DIDO1: variants seen among roughly 807,000 people sequenced by gnomAD.
The protein encoded by DIDO1 is death inducer-obliterator 1, also known as death-inducer obliterator 1.
A neutral mutation model predicts 99.4 loss-of-function variants in DIDO1; 16 were observed. That is an observed-to-expected ratio of 0.16 (90% CI 0.11 to 0.24). The LOEUF is 0.24. DIDO1 is among the 10% of genes least tolerant of loss of function. The probability of loss-of-function intolerance (pLI) is 1.00; values close to 1 mark genes in which losing one functional copy is unlikely to be tolerated. For missense variants in DIDO1, 2,996 were observed against 3,014.0 expected (o/e 0.99, Z 0.14); for synonymous variants, 1,366 against 1,239.1 (o/e 1.10, Z -2.15).
At chr20:62,889,342 T>C (rs2064352676) in intron 15 of DIDO1, 2 of 981,496 alleles carry the variant, frequency 2.0e-6, no homozygotes, top group Non-Finnish European at 2.4e-6. Context: ...GTGCCCGGCA[T>C]GCGCCGGGGC....
At chr20:62,930,363 AAC>A (rs2065320794), upstream of DIDO1, among the ~76,000 whole-genome samples, 1 of 152,244 alleles carries the variant, frequency 6.6e-6, no homozygotes. Context: ...TGAGACAACC[AAC>A]ACAGAGGGAG....
At chr20:62,913,971 T>A (rs868166762) in intron 2 of DIDO1, among the ~76,000 whole-genome samples, 1 of 152,250 alleles carries the variant, frequency 6.6e-6, no homozygotes, top group Non-Finnish European at 1.5e-5. Context: ...TATTATTTTT[T>A]ATTGTCAGAT....
chr20:62,898,245 C>A (rs1195857271), intron 6 of DIDO1, among the ~76,000 whole-genome samples: 4 of 152,220 alleles, frequency 2.6e-5, no homozygotes, highest in African/African-American at 9.6e-5. Flanking sequence ...GATTCAACAG[C>A]CTGCCCCAGC....
Position 62,879,383 on chromosome 20 carries a change from C to T in DIDO1, c.6573G>A (p.Arg2191=), listed in dbSNP as rs2064156360. Residue 2191 remains arginine (R), a synonymous_variant, in exon 16 of 16, where the codon CGG becomes CGA. Coordinates refer to ENST00000395343, the MANE Select transcript of DIDO1 (RefSeq NM_001193369.2). The surrounding 1 kb of genome is among the most constrained non-coding windows in gnomAD (Gnocchi z 6.3). Reference sequence around the variant, plus strand: ...CTCGGTCCCGCTCTCTGCTCCGGGACCGGTCCCGGTCGCGCCTCCGGTCTC... The same window carrying T: ...CTCGGTCCCGCTCTCTGCTCCGGGATCGGTCCCGGTCGCGCCTCCGGTCTC... ...RERDRRRDRD[R]SRSRERDRDK... is the part of the protein sequence containing the mutation. The T allele has an allele frequency of 1.3e-6, 2 of 1,544,720 alleles. No individual in the cohort carries two copies. Among genetic ancestry groups the T allele is most frequent in the Non-Finnish European group, 1.7e-6 (2 of 1,147,588 alleles).
intron 6 of DIDO1, among the ~76,000 whole-genome samples, chr20:62,901,959 T>C (rs192186802): frequency 2.0e-5 from 3 of 151,228 alleles, no homozygotes; most frequent in Admixed American, 6.6e-5. Context: ...CCGAGGAGGC[T>C]TTCCCGAGTA....
intron 4 of DIDO1, 81 bp from the exon 5 acceptor site, chr20:62,907,440 T>G: frequency 7.4e-7 from 1 of 1,351,666 alleles, no homozygotes. Flanking sequence ...AAATCACCAT[T>G]TATAGTACCA....
At position 62,909,721 on chromosome 20, in the gene DIDO1, T is replaced by C; in HGVS notation, c.1139A>G (p.Lys380Arg). The C allele has an allele frequency of 6.2e-7, 1 of 1,613,696 alleles. No homozygotes were observed. Among genetic ancestry groups the C allele is most frequent in the Non-Finnish European group, 8.5e-7 (1 of 1,179,604 alleles). ...IEKAANPSGK[K>R]KLKIFQPVIE... Reference sequence around the variant, plus strand: ...TACAGGCTGGAAGATCTTGAGTTTCTTCTTGCCACTTGGATTTGCAGCTTT... The same window carrying C: ...TACAGGCTGGAAGATCTTGAGTTTCCTCTTGCCACTTGGATTTGCAGCTTT... The change falls in exon 4 of 16, where the codon AAG (lysine) becomes AGG (arginine). Residue 380 changes from lysine to arginine, a missense_variant. Coordinates refer to ENST00000395343, the MANE Select transcript of DIDO1 (RefSeq NM_001193369.2).
At chr20:62,889,835 C>A (rs2064362208) in intron 15 of DIDO1, 1 of 985,312 alleles carries the variant, frequency 1.0e-6, no homozygotes, top group African/African-American at 1.7e-5. Context: ...ATGCACCACG[C>A]CAGCAAATAT....
In DIDO1 at chr20:62,881,785, ACTC is replaced by A; in HGVS notation, c.4168_4170del (p.Glu1390del). On this transcript the variant is annotated inframe_deletion, in exon 16 of 16. Transcript: ENST00000395343. This position sits in a 1 kb window ranked among gnomAD's most constrained non-coding sequence, Gnocchi z 8.3. Reference sequence around the variant, plus strand: ...GTGTCGAAGGCCCTCTCCGGGTCGTACTCCTCCTCAGGGTCGTATGGCCTGTCG... The same window carrying A: ...GTGTCGAAGGCCCTCTCCGGGTCGTACTCCTCAGGGTCGTATGGCCTGTCG... The A allele has an allele frequency of 6.2e-7, 1 of 1,612,324 alleles. No homozygotes were observed. Among genetic ancestry groups the A allele is most frequent in the Non-Finnish European group, 8.5e-7 (1 of 1,179,764 alleles).
chr20:62,912,514 G>A (rs1367975122), intron 2 of DIDO1, among the ~76,000 whole-genome samples: 1 of 142,476 alleles, frequency 7.0e-6, no homozygotes, highest in African/African-American at 2.6e-5. Flanking sequence ...TTTTTTTTCT[G>A]TATTATTTTT....
chr20:62,900,001 T>C (rs1422653220), intron 6 of DIDO1, among the ~76,000 whole-genome samples: 1 of 152,186 alleles, frequency 6.6e-6, no homozygotes, highest in Non-Finnish European at 1.5e-5. Context: ...AACTATTACG[T>C]TGTGTATAAC....
intron 4 of DIDO1, among the ~76,000 whole-genome samples, chr20:62,908,439 G>A (rs1381731984): frequency 6.6e-6 from 1 of 152,152 alleles, no homozygotes; most frequent in Admixed American, 6.5e-5. Flanking sequence ...ATAAATGTGA[G>A]CTCCTTCAAG....
At chr20:62,919,583 A>AC (rs1244114031) in intron 1 of DIDO1, among the ~76,000 whole-genome samples, 1 of 152,062 alleles carries the variant, frequency 6.6e-6, no homozygotes, top group Non-Finnish European at 1.5e-5. Context: ...ACAACACAGT[A>AC]TGTTTCTCAC....
upstream of DIDO1, chr20:62,928,657 C>T (rs148457306): frequency 3.8e-3 from 580 of 152,274 alleles, 3 homozygotes; most frequent in African/African-American, 0.014. Context: ...AAAAGTAAAA[C>T]CCAAAGGAGG....
At position 62,894,588 on chromosome 20, in the gene DIDO1, TC is replaced by T; in HGVS notation, c.2437-41del. 2 of 1,593,230 alleles carry T rather than the reference TC, an allele frequency of 1.3e-6. No homozygotes were observed. The highest frequency in any genetic ancestry group is 1.7e-6 in the Non-Finnish European group (2 of 1,173,874). On this transcript the variant is annotated intron_variant, in intron 10 of 15. Coordinates refer to ENST00000395343, the MANE Select transcript of DIDO1 (RefSeq NM_001193369.2). This position sits in a 1 kb window ranked among gnomAD's most constrained non-coding sequence, Gnocchi z 4.4. ...GAAAAAAAAGTGAGGTCGTTTCTTC[TC>T]CAAACTCAGCTCCAAATTAACCACA...
intron 1 of DIDO1, among the ~76,000 whole-genome samples, chr20:62,934,699 T>C (rs1199668616): frequency 6.6e-6 from 1 of 152,140 alleles, no homozygotes; most frequent in African/African-American, 2.4e-5. Context: ...ATGTTTCCCA[T>C]TCCCATCACA....
chr20:62,898,375 T>C (rs6011455), intron 6 of DIDO1, among the ~76,000 whole-genome samples: 42 of 152,328 alleles, frequency 2.8e-4, no homozygotes, highest in African/African-American at 9.9e-4. Context: ...TCTTCCCAAC[T>C]TCCCAGATAA....
At chr20:62,901,836 CTAG>C (rs1250022502) in intron 6 of DIDO1, among the ~76,000 whole-genome samples, 1 of 146,518 alleles carries the variant, frequency 6.8e-6, no homozygotes, top group Non-Finnish European at 1.5e-5. Context: ...AAAAAAAAAC[CTAG>C]TATTATTTTA....
intron 6 of DIDO1, among the ~76,000 whole-genome samples, chr20:62,901,229 G>T (rs2064670659): frequency 6.6e-6 from 1 of 152,212 alleles, no homozygotes. Context: ...AGGGTCCACA[G>T]CTAGACTGCC....
Sources: gnomAD v4.1 joint callset for allele counts (sites outside exome capture counted in the v4.1 genomes callset) on GRCh38, gnomAD v4.1.1 for gene constraint, Gnocchi (gnomAD v3.1) non-coding constraint, MANE v1.5 for transcripts, NCBI Gene and HGNC (gene_info 2026-07-23, HGNC 2026-07-21) for gene names.